Variants in KCND2 observed in about 807,000 individuals in gnomAD.
KCND2 encodes A-type voltage-gated potassium channel KCND2.
KCND2 carries 16 observed loss-of-function variants against 54.4 expected under a neutral mutation model. That is an observed-to-expected ratio of 0.29 (90% CI 0.20 to 0.45). KCND2 has a LOEUF of 0.45. Ranked by LOEUF, KCND2 falls within the 20% of genes least tolerant of loss-of-function variation. KCND2 has a pLI of 1.00. For synonymous variants in KCND2, 317 were observed against 310.7 expected, an observed-to-expected ratio of 1.02 and a Z score of -0.21; for missense variants, 486 against 824.2, an observed-to-expected ratio of 0.59 and a Z score of 5.02.
intron 1 of KCND2, among the ~76,000 whole-genome samples, chr7:120,558,572 C>T (rs946963223): frequency 6.6e-6 from 1 of 152,096 alleles, no homozygotes; most frequent in African/African-American, 2.4e-5. Flanking sequence ...TGTATGTGAA[C>T]AACTAATTAG....
intron 5 of KCND2, chr7:120,746,903 G>T (rs1793014357): frequency 6.6e-6 from 1 of 152,022 alleles, no homozygotes. Flanking sequence ...GGATGTCTCT[G>T]GGACTAGAAA....
At chr7:120,502,052 G>GT (rs1371427040) in intron 1 of KCND2, among the ~76,000 whole-genome samples, 1 of 151,982 alleles carries the variant, frequency 6.6e-6, no homozygotes, top group Non-Finnish European at 1.5e-5. Context: ...ACATCTTTTA[G>GT]TCCCTAATGC....
At chr7:120,677,565 A>ATAGATATAGG in intron 1 of KCND2, among the ~76,000 whole-genome samples, 1 of 148,746 alleles carries the variant, frequency 6.7e-6, no homozygotes, top group African/African-American at 2.5e-5. Context: ...AGATATATAG[A>ATAGATATAGG]TATATAGATA....
chr7:120,320,399 G>T (rs1563008177), intron 1 of KCND2, among the ~76,000 whole-genome samples: 1 of 152,120 alleles, frequency 6.6e-6, no homozygotes, highest in East Asian at 1.9e-4. Context: ...TGTGAAACCT[G>T]TAAGTGTGAG....
intron 1 of KCND2, among the ~76,000 whole-genome samples, chr7:120,543,218 G>A (rs1479671641): frequency 6.6e-6 from 1 of 151,626 alleles, no homozygotes; most frequent in East Asian, 1.9e-4. Flanking sequence ...CAGTCCCTAT[G>A]GTTTTGCCCT....
intron 1 of KCND2, among the ~76,000 whole-genome samples, chr7:120,691,417 A>C (rs1672587214): frequency 6.6e-6 from 1 of 152,118 alleles, no homozygotes; most frequent in South Asian, 2.1e-4. Flanking sequence ...TGGACAGTAA[A>C]TATATTTCAG....
chr7:120,746,380 A>G (rs1468851056), intron 5 of KCND2, among the ~76,000 whole-genome samples: 1 of 152,128 alleles, frequency 6.6e-6, no homozygotes, highest in Non-Finnish European at 1.5e-5. Context: ...GACACTACTA[A>G]AAGAGTCAAA....
intron 1 of KCND2, among the ~76,000 whole-genome samples, chr7:120,590,919 A>G (rs1792663331): frequency 6.6e-6 from 1 of 152,166 alleles, no homozygotes; most frequent in African/African-American, 2.4e-5. Context: ...AGAGAAAGTT[A>G]TGAAAAACTG....
At chr7:120,565,727 T>C (rs918811047) in intron 1 of KCND2, among the ~76,000 whole-genome samples, 1 of 152,224 alleles carries the variant, frequency 6.6e-6, no homozygotes, top group African/African-American at 2.4e-5. Flanking sequence ...GTGTTCCTTC[T>C]TTGAAAGATA....
rs1793053717 is a variant in KCND2 at position 120,750,108 on chromosome 7, T to C, written c.*2250T>C. The C allele has an allele frequency of 6.6e-6, 1 of 152,342 alleles. No homozygotes were observed. Among genetic ancestry groups the C allele is most frequent in the Non-Finnish European group, 1.5e-5 (1 of 67,832 alleles). 9.4% of individuals were successfully genotyped at this position (152,342 alleles called of 1,614,324 possible). ...TTAGGTGATTTAAAAATATACCGTG[T>C]TGGTGGTGAATGACTATTGATGACT... On this transcript the variant is annotated 3_prime_UTR_variant, in exon 6 of 6. Transcript: ENST00000331113.
At chr7:120,742,661 G>C (rs1792957442) in intron 4 of KCND2, 59 bp downstream of exon 4, 3 of 1,299,974 alleles carry the variant, frequency 2.3e-6, no homozygotes, top group Admixed American at 1.7e-5. Flanking sequence ...ATTTGCTTTT[G>C]TGCATACTTA....
intron 1 of KCND2, among the ~76,000 whole-genome samples, chr7:120,355,067 T>C (rs1448872180): frequency 6.6e-6 from 1 of 152,188 alleles, no homozygotes; most frequent in African/African-American, 2.4e-5. Flanking sequence ...CACTTGCTTT[T>C]TCATTGAAGC....
At chr7:120,497,681 A>G (rs1309704554) in intron 1 of KCND2, among the ~76,000 whole-genome samples, 1 of 152,194 alleles carries the variant, frequency 6.6e-6, no homozygotes, top group Non-Finnish European at 1.5e-5. Context: ...GTTCAGCAGG[A>G]TAGAGGCAAA....
chr7:120,462,334 G>T (rs1368352341), intron 1 of KCND2, among the ~76,000 whole-genome samples: 4 of 151,720 alleles, frequency 2.6e-5, no homozygotes, highest in South Asian at 2.1e-4. Flanking sequence ...AATAAAAATT[G>T]AGTATCATCC....
At chr7:120,278,308 T>C (rs1377899496) in intron 1 of KCND2, among the ~76,000 whole-genome samples, 1 of 151,964 alleles carries the variant, frequency 6.6e-6, no homozygotes, top group Non-Finnish European at 1.5e-5. Context: ...TAGGCTGTAG[T>C]TCTATACTTA....
chr7:120,445,281 T>C (rs1802004074), intron 1 of KCND2, among the ~76,000 whole-genome samples: 1 of 152,148 alleles, frequency 6.6e-6, no homozygotes. Context: ...AGAAAAGCCA[T>C]TGTTGAAAAA....
At chr7:120,540,368 T>C (rs1476063964) in intron 1 of KCND2, among the ~76,000 whole-genome samples, 1 of 152,224 alleles carries the variant, frequency 6.6e-6, no homozygotes, top group Admixed American at 6.5e-5. Flanking sequence ...GATATATCTA[T>C]AAATTTACAA....
At chr7:120,565,031 G>A (rs1320318411) in intron 1 of KCND2, among the ~76,000 whole-genome samples, 4 of 152,164 alleles carry the variant, frequency 2.6e-5, no homozygotes, top group Non-Finnish European at 4.4e-5. Context: ...TTCAATTTGA[G>A]TTCCAATGAT....
At chr7:120,282,285 T>G (rs1799277613) in intron 1 of KCND2, among the ~76,000 whole-genome samples, 1 of 152,166 alleles carries the variant, frequency 6.6e-6, no homozygotes, top group Non-Finnish European at 1.5e-5. Context: ...GCTGGAACTC[T>G]TGTTTTTCAT....
Sources: allele counts gnomAD v4.1 joint callset (sites outside exome capture counted in the v4.1 genomes callset), GRCh38; gene constraint gnomAD v4.1.1; transcripts MANE v1.5; gene names NCBI Gene and HGNC (gene_info 2026-07-23, HGNC 2026-07-21).